The following SGCZ variants were observed in gnomAD, a reference collection of about 807,000 sequenced individuals.
SGCZ encodes sarcoglycan zeta.
In SGCZ, 40 loss-of-function variants were observed where a neutral mutation model predicts 41.3. The observed-to-expected ratio is 0.97, with a 90% CI of 0.75 to 1.26. The LOEUF (loss-of-function observed/expected upper bound fraction) is 1.26. Among genes scored for constraint, SGCZ ranks in the 50% most tolerant of loss-of-function variants. The probability of loss-of-function intolerance (pLI) is 0.00; values close to 1 mark genes in which losing one functional copy is unlikely to be tolerated. For synonymous variants in SGCZ, 206 were observed against 137.5 expected, an observed-to-expected ratio of 1.50 and a Z score of -3.49; for missense variants, 552 against 369.8, an observed-to-expected ratio of 1.49 and a Z score of -4.04.
chr8:15,203,188 A>G (rs1226607948), intron 1 of SGCZ, among the ~76,000 whole-genome samples: 2 of 152,158 alleles, frequency 1.3e-5, no homozygotes, highest in Non-Finnish European at 2.9e-5. Flanking sequence ...CTGCCTCGGT[A>G]TCTTTTCTGG....
chr8:14,408,913 T>G (rs1799282008), intron 2 of SGCZ, among the ~76,000 whole-genome samples: 1 of 151,730 alleles, frequency 6.6e-6, no homozygotes. Flanking sequence ...TATATATTTT[T>G]ATTACTTCAT....
chr8:14,974,555 G>C (rs555048024), intron 1 of SGCZ, among the ~76,000 whole-genome samples: 1 of 152,234 alleles, frequency 6.6e-6, no homozygotes, highest in African/African-American at 2.4e-5. Flanking sequence ...AACTTCCAAA[G>C]CCCAGACCAC....
chr8:14,573,310 G>C (rs1804614135), intron 1 of SGCZ, among the ~76,000 whole-genome samples: 1 of 148,362 alleles, frequency 6.7e-6, no homozygotes, highest in Admixed American at 6.8e-5. Flanking sequence ...CCGTTCTCCG[G>C]CCTCAGCCTC....
intron 1 of SGCZ, among the ~76,000 whole-genome samples, chr8:14,805,501 A>C (rs1007594793): frequency 4.4e-5 from 6 of 137,358 alleles, no homozygotes; most frequent in African/African-American, 1.5e-4. Flanking sequence ...ACATAATGGT[A>C]AAGGGATCAA....
intron 5 of SGCZ, among the ~76,000 whole-genome samples, chr8:14,121,295 G>A (rs576983205): frequency 5.3e-5 from 8 of 151,832 alleles, no homozygotes; most frequent in South Asian, 2.1e-4. Context: ...AACATGTCAC[G>A]CTGTCATAGC....
At chr8:15,050,764 A>G (rs999729376) in intron 1 of SGCZ, among the ~76,000 whole-genome samples, 1 of 152,194 alleles carries the variant, frequency 6.6e-6, no homozygotes, top group Non-Finnish European at 1.5e-5. Flanking sequence ...TGTAAATATA[A>G]TACAAAGAAG....
chr8:15,185,705 T>C (rs1208666103), intron 1 of SGCZ, among the ~76,000 whole-genome samples: 1 of 152,090 alleles, frequency 6.6e-6, no homozygotes, highest in Non-Finnish European at 1.5e-5. Context: ...TCCTGAAGAC[T>C]ACATGAAGGC....
chr8:14,278,985 G>T (rs1800329697), intron 3 of SGCZ, among the ~76,000 whole-genome samples: 1 of 152,052 alleles, frequency 6.6e-6, no homozygotes, highest in Admixed American at 6.6e-5. Flanking sequence ...TTAAAGAAAT[G>T]GCTCTGGTTC....
intron 1 of SGCZ, among the ~76,000 whole-genome samples, chr8:14,991,278 C>G (rs1253044653): frequency 1.3e-5 from 2 of 152,060 alleles, no homozygotes; most frequent in Non-Finnish European, 2.9e-5. Context: ...GTAATAGGTA[C>G]TTTGCTAATC....
At chr8:14,317,663 C>T (rs1050381580) in intron 3 of SGCZ, among the ~76,000 whole-genome samples, 10 of 151,636 alleles carry the variant, frequency 6.6e-5, no homozygotes, top group African/African-American at 1.7e-4. Context: ...CTGAACAACA[C>T]GAAAGAGGTT....
chr8:14,166,946 G>A (rs1804229469), intron 4 of SGCZ, among the ~76,000 whole-genome samples: 1 of 152,008 alleles, frequency 6.6e-6, no homozygotes, highest in Admixed American at 6.6e-5. Flanking sequence ...TCATCTAATT[G>A]AAAAAGAGAT....
At chr8:14,114,320 A>T (rs1218212069) in intron 5 of SGCZ, among the ~76,000 whole-genome samples, 3 of 152,010 alleles carry the variant, frequency 2.0e-5, no homozygotes, top group Non-Finnish European at 4.4e-5. Flanking sequence ...ACACAAATCA[A>T]CATCCTGCGA....
intron 1 of SGCZ, among the ~76,000 whole-genome samples, chr8:14,777,804 C>G (rs1275511246): frequency 6.6e-6 from 1 of 151,442 alleles, no homozygotes; most frequent in Non-Finnish European, 1.5e-5. Context: ...GAAAATAAAG[C>G]CAGTGTGGCA....
chr8:14,235,823 T>A (rs549355765), intron 4 of SGCZ, among the ~76,000 whole-genome samples: 1 of 152,292 alleles, frequency 6.6e-6, no homozygotes, highest in East Asian at 1.9e-4. Context: ...TAGCTGGGAT[T>A]ACAGGCACAC....
At chr8:14,988,427 A>G (rs1266408645) in intron 1 of SGCZ, among the ~76,000 whole-genome samples, 1 of 152,058 alleles carries the variant, frequency 6.6e-6, no homozygotes, top group Non-Finnish European at 1.5e-5. Flanking sequence ...TAGTGTTTCT[A>G]TAGAAACTTG....
chr8:14,818,921 C>G (rs532296841), intron 1 of SGCZ, among the ~76,000 whole-genome samples: 108 of 151,768 alleles, frequency 7.1e-4, no homozygotes, highest in African/African-American at 2.5e-3. Context: ...TACCACTAAA[C>G]AAATAATCTC....
intron 1 of SGCZ, among the ~76,000 whole-genome samples, chr8:14,868,867 C>G (rs1804034897): frequency 6.6e-6 from 1 of 152,034 alleles, no homozygotes; most frequent in Non-Finnish European, 1.5e-5. Flanking sequence ...TGGACACACA[C>G]ACCCTCCCAA....
At chr8:14,293,881 G>A (rs930453012) in intron 3 of SGCZ, among the ~76,000 whole-genome samples, 3 of 151,738 alleles carry the variant, frequency 2.0e-5, no homozygotes, top group Non-Finnish European at 4.4e-5. Context: ...CTACATTCAG[G>A]AGCCAAATCT....
intron 1 of SGCZ, among the ~76,000 whole-genome samples, chr8:15,156,166 T>C (rs1274020871): frequency 2.0e-5 from 3 of 152,160 alleles, no homozygotes; most frequent in African/African-American, 7.2e-5. Flanking sequence ...TTTTTCTGTA[T>C]GTTTCACTCC....
Sources: allele counts gnomAD v4.1 joint callset (sites outside exome capture counted in the v4.1 genomes callset), GRCh38; gene constraint gnomAD v4.1.1; transcripts MANE v1.5; gene names NCBI Gene and HGNC (gene_info 2026-07-23, HGNC 2026-07-21).